Variants in GNAQ observed in about 807,000 individuals in gnomAD.
The protein encoded by GNAQ is G protein subunit alpha q, also known as guanine nucleotide-binding protein G(q) subunit alpha.
GNAQ carries 8 observed loss-of-function variants against 43.9 expected under a neutral mutation model. The observed-to-expected ratio is 0.18, with a 90% confidence interval of 0.11 to 0.33. The LOEUF (loss-of-function observed/expected upper bound fraction) is 0.33. Ranked by LOEUF, GNAQ falls within the 10% of genes least tolerant of loss-of-function variation. The pLI is 1.00. For synonymous variants in GNAQ, 155 were observed against 170.7 expected (o/e 0.91, Z 0.71); for missense variants, 158 against 450.8 (o/e 0.35, Z 5.88).
intron 2 of GNAQ, among the ~76,000 whole-genome samples, chr9:77,868,953 C>T (rs1037353566): frequency 7.2e-5 from 11 of 152,148 alleles, no homozygotes; most frequent in African/African-American, 2.2e-4. Flanking sequence ...TGCCACTGCA[C>T]TTTAGCCTGG....
intron 2 of GNAQ, among the ~76,000 whole-genome samples, chr9:77,895,843 G>A (rs1828492277): frequency 1.3e-5 from 2 of 152,030 alleles, no homozygotes; most frequent in South Asian, 2.1e-4. Context: ...TAAAAAACAG[G>A]AGTTGCCCTG....
chr9:77,889,527 A>T (rs1266836371), intron 2 of GNAQ, among the ~76,000 whole-genome samples: 2 of 148,982 alleles, frequency 1.3e-5, no homozygotes, highest in African/African-American at 5.0e-5. Flanking sequence ...TTGTCTGTAA[A>T]TTGCAGGGTT....
chr9:77,748,455 A>G (rs1825763332), intron 5 of GNAQ, among the ~76,000 whole-genome samples: 1 of 152,232 alleles, frequency 6.6e-6, no homozygotes. Context: ...TTTAAGGACA[A>G]GCATGAAGCT....
rs575876245 is a variant in GNAQ at position 78,001,054 on chromosome 9, T to C, written c.136+30046A>G. On this transcript the variant is annotated intron_variant, in intron 1 of 6. Transcript: ENST00000286548. ...GAAATTAAACAAAGGCATTTCTGTCTTGACAACAACTTCTATAAAACAAGG... is the reference window on the plus strand; with the variant it reads ...GAAATTAAACAAAGGCATTTCTGTCCTGACAACAACTTCTATAAAACAAGG... Among the ~76,000 whole-genome samples, 38 of 152,322 alleles carry C rather than the reference T, an allele frequency of 2.5e-4. No homozygotes were observed. In the South Asian group the frequency reaches 3.3e-3, roughly 13 times the overall value.
At chr9:77,903,236 T>C (rs922951685) in intron 2 of GNAQ, among the ~76,000 whole-genome samples, 16 of 152,066 alleles carry the variant, frequency 1.1e-4, no homozygotes, top group Non-Finnish European at 2.1e-4. Flanking sequence ...ATAAGTGGAC[T>C]TGGTCACAGA....
At chr9:77,843,811 T>A (rs1202331765) in intron 2 of GNAQ, among the ~76,000 whole-genome samples, 3 of 152,176 alleles carry the variant, frequency 2.0e-5, no homozygotes, top group Admixed American at 6.5e-5. Context: ...ATGGGGTCAG[T>A]CATGGCTTAC....
At chr9:77,884,689 T>C (rs1587386225) in intron 2 of GNAQ, among the ~76,000 whole-genome samples, 1 of 152,208 alleles carries the variant, frequency 6.6e-6, no homozygotes, top group East Asian at 1.9e-4. Flanking sequence ...GAGGACAGGC[T>C]GTGGCTGTTC....
At chr9:77,967,927 C>T (rs939790295) in intron 1 of GNAQ, among the ~76,000 whole-genome samples, 8 of 152,210 alleles carry the variant, frequency 5.3e-5, no homozygotes, top group African/African-American at 1.9e-4. Context: ...TTGCAGTGAA[C>T]CGAGATCATA....
chr9:77,948,627 G>C (rs941512342), intron 1 of GNAQ, among the ~76,000 whole-genome samples: 1 of 152,258 alleles, frequency 6.6e-6, no homozygotes, highest in East Asian at 1.9e-4. Flanking sequence ...AAGAACGACC[G>C]CTACTGTTGA....
At chr9:77,776,762 A>T (rs1826311470) in intron 5 of GNAQ, among the ~76,000 whole-genome samples, 1 of 152,186 alleles carries the variant, frequency 6.6e-6, no homozygotes, top group African/African-American at 2.4e-5. Context: ...AGAACATGCT[A>T]CTGAACAACA....
At chr9:77,817,779 C>T (rs906656706) in intron 2 of GNAQ, among the ~76,000 whole-genome samples, 2 of 152,106 alleles carry the variant, frequency 1.3e-5, no homozygotes, top group African/African-American at 4.8e-5. Flanking sequence ...GTTACATACG[C>T]ACATGAGCGA....
chr9:77,762,456 C>A (rs1826056928), intron 5 of GNAQ, among the ~76,000 whole-genome samples: 1 of 139,916 alleles, frequency 7.1e-6, no homozygotes, highest in South Asian at 2.5e-4. Flanking sequence ...GGCCAGCCGC[C>A]CCATCCGGGA....
chr9:77,782,407 T>C (rs987922847), intron 5 of GNAQ, among the ~76,000 whole-genome samples: 1 of 152,174 alleles, frequency 6.6e-6, no homozygotes, highest in African/African-American at 2.4e-5. Context: ...TTCTGTATCA[T>C]AAGTCATTAG....
intron 5 of GNAQ, among the ~76,000 whole-genome samples, chr9:77,790,519 A>T (rs1287785737): frequency 6.6e-6 from 1 of 152,246 alleles, no homozygotes; most frequent in Non-Finnish European, 1.5e-5. Flanking sequence ...GTTCAAAATC[A>T]AATGAGCAAT....
intron 2 of GNAQ, among the ~76,000 whole-genome samples, chr9:77,883,543 C>T (rs1725392357): frequency 6.7e-6 from 1 of 149,564 alleles, no homozygotes; most frequent in South Asian, 2.2e-4. Context: ...CATGTTTTTA[C>T]ATGGGTATAT....
intron 5 of GNAQ, among the ~76,000 whole-genome samples, chr9:77,792,474 T>C (rs1826591683): frequency 6.6e-6 from 1 of 152,092 alleles, no homozygotes; most frequent in Non-Finnish European, 1.5e-5. Context: ...ATTAACATAA[T>C]ATACTTTTAT....
chr9:77,841,433 A>G (rs1295732595), intron 2 of GNAQ, among the ~76,000 whole-genome samples: 1 of 152,234 alleles, frequency 6.6e-6, no homozygotes, highest in Non-Finnish European at 1.5e-5. Context: ...GCCACAGAGA[A>G]ATGATTGGCA....
At chr9:77,874,891 G>T (rs1053449474) in intron 2 of GNAQ, among the ~76,000 whole-genome samples, 5 of 151,932 alleles carry the variant, frequency 3.3e-5, no homozygotes, top group Admixed American at 2.6e-4. Context: ...AAAGTACTGG[G>T]ATTACACATG....
chr9:77,786,304 G>C (rs532466123), intron 5 of GNAQ, among the ~76,000 whole-genome samples: 16 of 148,908 alleles, frequency 1.1e-4, no homozygotes, highest in Non-Finnish European at 1.9e-4. Context: ...CGTGAACCCG[G>C]AAGGCAGAGC....
Sources: allele counts gnomAD v4.1 joint callset (sites outside exome capture counted in the v4.1 genomes callset), GRCh38; gene constraint gnomAD v4.1.1; transcripts MANE v1.5; gene names NCBI Gene and HGNC (gene_info 2026-07-23, HGNC 2026-07-21).